The following CHCHD3 variants were observed in gnomAD, a reference collection of about 807,000 sequenced individuals.
CHCHD3 encodes coiled-coil-helix-coiled-coil-helix domain containing 3.
A neutral mutation model predicts 38.2 loss-of-function variants in CHCHD3; 20 were observed. The ratio of observed to expected loss-of-function variants is 0.52; its 90% CI spans 0.37 to 0.76. The LOEUF is 0.76. CHCHD3 is among the 30% of genes least tolerant of loss of function. CHCHD3 has a pLI of 0.00. For missense variants in CHCHD3, 245 were observed against 279.2 expected, an observed-to-expected ratio of 0.88 and a Z score of 0.87; for synonymous variants, 82 against 100.0, an observed-to-expected ratio of 0.82 and a Z score of 1.07.
At chr7:132,937,159 T>C (rs1319662432) in intron 4 of CHCHD3, among the ~76,000 whole-genome samples, 7 of 152,204 alleles carry the variant, frequency 4.6e-5, no homozygotes, top group Non-Finnish European at 2.9e-5. Context: ...TTATAAAAAC[T>C]AGATTATGGC....
At chr7:133,072,317 T>G (rs551579833) in intron 1 of CHCHD3, among the ~76,000 whole-genome samples, 3 of 152,194 alleles carry the variant, frequency 2.0e-5, no homozygotes, top group Non-Finnish European at 2.9e-5. Context: ...AAAAGGTATT[T>G]AGGATTTAAA....
intron 4 of CHCHD3, among the ~76,000 whole-genome samples, chr7:132,931,870 A>G (rs1348099437): frequency 2.0e-5 from 3 of 152,122 alleles, no homozygotes; most frequent in Non-Finnish European, 4.4e-5. Flanking sequence ...TTACTTCTGA[A>G]AAGAAGAAAC....
At chr7:132,876,107 A>G (rs1193927903) in intron 5 of CHCHD3, among the ~76,000 whole-genome samples, 7 of 152,164 alleles carry the variant, frequency 4.6e-5, no homozygotes, top group Non-Finnish European at 8.8e-5. Context: ...ATGTACTTTA[A>G]TTTTTCAGTC....
chr7:132,942,052 G>A (rs10271192), intron 4 of CHCHD3, among the ~76,000 whole-genome samples: 6,526 of 152,210 alleles, frequency 0.043, 308 homozygotes, highest in African/African-American at 0.12. Flanking sequence ...GAGCTAGAAA[G>A]CAAATCACTC....
chr7:132,914,211 A>C (rs892282682), intron 4 of CHCHD3, among the ~76,000 whole-genome samples: 1 of 149,974 alleles, frequency 6.7e-6, no homozygotes, highest in African/African-American at 2.5e-5. Flanking sequence ...GATGATCTTA[A>C]ACTCCTGACC....
intron 7 of CHCHD3, among the ~76,000 whole-genome samples, chr7:132,796,181 G>A (rs1010352002): frequency 2.6e-5 from 4 of 152,112 alleles, no homozygotes; most frequent in Non-Finnish European, 4.4e-5. Context: ...AAAGTTCAGG[G>A]CAAGTGGAAA....
At chr7:133,075,858 G>A (rs1429301172) in intron 1 of CHCHD3, among the ~76,000 whole-genome samples, 2 of 152,078 alleles carry the variant, frequency 1.3e-5, no homozygotes, top group Admixed American at 6.5e-5. Flanking sequence ...AGAAGATCAA[G>A]GCCATCCTGG....
chr7:133,048,002 T>C (rs979183321), intron 2 of CHCHD3, among the ~76,000 whole-genome samples: 1 of 152,186 alleles, frequency 6.6e-6, no homozygotes, highest in African/African-American at 2.4e-5. Context: ...GGCAGGAGAA[T>C]CGCTTGAATG....
At chr7:132,792,267 G>A (rs1003545242) in intron 7 of CHCHD3, among the ~76,000 whole-genome samples, 1 of 152,208 alleles carries the variant, frequency 6.6e-6, no homozygotes, top group African/African-American at 2.4e-5. Flanking sequence ...TGGCTGGAGG[G>A]AGCCTGCATT....
chr7:132,929,981 C>T (rs1810477259), intron 4 of CHCHD3, among the ~76,000 whole-genome samples: 1 of 152,122 alleles, frequency 6.6e-6, no homozygotes, highest in Non-Finnish European at 1.5e-5. Context: ...AAGAGAAAGC[C>T]TTATCCAGTC....
At chr7:133,024,727 AG>A in intron 2 of CHCHD3, 100 bp from the exon 3 acceptor site, 1 of 909,294 alleles carries the variant, frequency 1.1e-6, no homozygotes, top group East Asian at 2.4e-5. Context: ...AGATTTGAAC[AG>A]GCAAAGTTCT....
intron 6 of CHCHD3, among the ~76,000 whole-genome samples, chr7:132,827,525 C>A (rs891908080): frequency 6.6e-6 from 1 of 152,164 alleles, no homozygotes; most frequent in African/African-American, 2.4e-5. Flanking sequence ...AGTTTCCAAT[C>A]TTGGAGGATT....
chr7:133,032,772 G>C (rs960064898), intron 2 of CHCHD3, among the ~76,000 whole-genome samples: 7 of 151,924 alleles, frequency 4.6e-5, no homozygotes, highest in Admixed American at 1.3e-4. Context: ...AATAATAGTT[G>C]CAAGATCTCA....
At chr7:132,938,703 G>T (rs576519112) in intron 4 of CHCHD3, among the ~76,000 whole-genome samples, 1 of 152,184 alleles carries the variant, frequency 6.6e-6, no homozygotes, top group African/African-American at 2.4e-5. Flanking sequence ...TCCTCCACTG[G>T]GCTCACACTT....
chr7:132,933,590 TGTTA>T (rs770649000), intron 4 of CHCHD3, among the ~76,000 whole-genome samples: 92 of 152,368 alleles, frequency 6.0e-4, no homozygotes, highest in Non-Finnish European at 1.1e-3. Context: ...CCAAGATTTC[TGTTA>T]AAGATGATCC....
At chr7:133,020,415 G>A (rs1450959758) in intron 3 of CHCHD3, among the ~76,000 whole-genome samples, 1 of 152,066 alleles carries the variant, frequency 6.6e-6, no homozygotes, top group Non-Finnish European at 1.5e-5. Context: ...CATCAGTTTC[G>A]ATGATTTTGA....
intron 2 of CHCHD3, among the ~76,000 whole-genome samples, chr7:133,048,496 T>G (rs940745617): frequency 2.0e-5 from 3 of 151,938 alleles, no homozygotes; most frequent in Non-Finnish European, 2.9e-5. Context: ...TCCGGCCTAA[T>G]AGAGAAGTGA....
At chr7:132,828,801 A>C (rs1409421156) in intron 6 of CHCHD3, among the ~76,000 whole-genome samples, 1 of 152,204 alleles carries the variant, frequency 6.6e-6, no homozygotes, top group Non-Finnish European at 1.5e-5. Flanking sequence ...AATTAATTTG[A>C]TGTTATACTA....
At chr7:132,972,687 G>A (rs1295717408) in intron 4 of CHCHD3, 4 of 985,236 alleles carry the variant, frequency 4.1e-6, no homozygotes, top group Non-Finnish European at 2.4e-6. Flanking sequence ...GGGAAGGAAG[G>A]GACTCTCTCA....
Sources: gnomAD v4.1 joint callset for allele counts (sites outside exome capture counted in the v4.1 genomes callset) on GRCh38, gnomAD v4.1.1 for gene constraint, MANE v1.5 for transcripts, NCBI Gene and HGNC (gene_info 2026-07-23, HGNC 2026-07-21) for gene names.